The following MDGA2 variants were observed in gnomAD, a reference collection of about 807,000 sequenced individuals.
The protein encoded by MDGA2 is MAM domain-containing glycosylphosphatidylinositol anchor protein 2.
Under a neutral mutation model 117.8 loss-of-function variants are expected in MDGA2, and 40 were observed. The observed-to-expected ratio is 0.34, with a 90% CI of 0.26 to 0.44. The LOEUF is 0.44. Among genes scored for constraint, MDGA2 ranks in the 20% least tolerant of loss-of-function variants. MDGA2 has a pLI of 1.00. For synonymous variants in MDGA2, 452 were observed against 439.0 expected, an observed-to-expected ratio of 1.03 and a Z score of -0.37; for missense variants, 1,123 against 1,250.6, an observed-to-expected ratio of 0.90 and a Z score of 1.54.
intron 1 of MDGA2, among the ~76,000 whole-genome samples, chr14:47,399,268 C>A (rs1309694963): frequency 3.3e-5 from 5 of 152,074 alleles, no homozygotes; most frequent in East Asian, 1.9e-4. Flanking sequence ...GGAGGAGGAA[C>A]AGGACGAGGA....
chr14:47,086,588 A>G (rs1890909781), intron 6 of MDGA2, among the ~76,000 whole-genome samples: 1 of 144,790 alleles, frequency 6.9e-6, no homozygotes, highest in Non-Finnish European at 1.5e-5. Flanking sequence ...AGGTTCTATT[A>G]TTAAAGATAG....
At chr14:47,581,972 A>T (rs898300954) in intron 1 of MDGA2, among the ~76,000 whole-genome samples, 2 of 151,884 alleles carry the variant, frequency 1.3e-5, no homozygotes, top group African/African-American at 4.8e-5. Context: ...AATAAAATGG[A>T]CCTTCAGTAA....
intron 5 of MDGA2, among the ~76,000 whole-genome samples, chr14:47,115,571 G>A (rs1279535368): frequency 6.6e-6 from 1 of 151,736 alleles, no homozygotes; most frequent in African/African-American, 2.4e-5. Context: ...AAAAAGAGGG[G>A]AAAAGGAGAA....
intron 1 of MDGA2, among the ~76,000 whole-genome samples, chr14:47,460,265 A>G (rs1893454584): frequency 1.3e-5 from 2 of 152,148 alleles, no homozygotes; most frequent in Admixed American, 1.3e-4. Context: ...AGTCATAAGT[A>G]AATACTTTTC....
chr14:47,056,945 T>C (rs1265639475), intron 7 of MDGA2, among the ~76,000 whole-genome samples: 2 of 152,110 alleles, frequency 1.3e-5, no homozygotes, highest in African/African-American at 2.4e-5. Flanking sequence ...TTATAGCATA[T>C]AGTATATTTA....
At chr14:47,531,356 T>A (rs1351372853) in intron 1 of MDGA2, among the ~76,000 whole-genome samples, 1 of 152,186 alleles carries the variant, frequency 6.6e-6, no homozygotes, top group Non-Finnish European at 1.5e-5. Context: ...ATGATCACTC[T>A]CAAAATGAGG....
intron 5 of MDGA2, among the ~76,000 whole-genome samples, chr14:47,119,342 G>A (rs1881530117): frequency 6.6e-6 from 1 of 152,116 alleles, no homozygotes; most frequent in Non-Finnish European, 1.5e-5. Context: ...TAGGATTACA[G>A]GCGTGAGCCA....
chr14:47,324,149 G>A (rs1890070737), intron 1 of MDGA2, among the ~76,000 whole-genome samples: 1 of 152,108 alleles, frequency 6.6e-6, no homozygotes, highest in South Asian at 2.1e-4. Context: ...GGAGGCTGAG[G>A]CAAGAGAATG....
chr14:47,362,890 T>G (rs888542347), intron 1 of MDGA2, among the ~76,000 whole-genome samples: 2 of 152,192 alleles, frequency 1.3e-5, no homozygotes, highest in African/African-American at 4.8e-5. Flanking sequence ...AAAATCTCAT[T>G]CCGTAGGAGC....
At chr14:47,434,407 T>C (rs1223154630) in intron 1 of MDGA2, among the ~76,000 whole-genome samples, 3 of 152,128 alleles carry the variant, frequency 2.0e-5, no homozygotes, top group Admixed American at 6.6e-5. Context: ...GGATAATTTG[T>C]AGCATTGTGA....
intron 1 of MDGA2, among the ~76,000 whole-genome samples, chr14:47,420,352 T>C (rs995282623): frequency 1.3e-5 from 2 of 152,170 alleles, no homozygotes; most frequent in African/African-American, 4.8e-5. Flanking sequence ...ATATCTAATA[T>C]CTTTCCTGGT....
intron 3 of MDGA2, among the ~76,000 whole-genome samples, chr14:47,151,657 T>C (rs1285611265): frequency 6.6e-6 from 1 of 151,938 alleles, no homozygotes; most frequent in East Asian, 1.9e-4. Flanking sequence ...TATCTAGATA[T>C]TAAATAATTA....
chr14:47,284,167 C>T (rs755995914), intron 2 of MDGA2, among the ~76,000 whole-genome samples: 2 of 152,066 alleles, frequency 1.3e-5, no homozygotes, highest in Non-Finnish European at 2.9e-5. Flanking sequence ...AAGAAGCACC[C>T]ATCCCAAATA....
At chr14:47,144,396 T>A in intron 3 of MDGA2, 122 bp from the exon 4 acceptor site, 1 of 613,016 alleles carries the variant, frequency 1.6e-6, no homozygotes, top group Non-Finnish European at 2.7e-6. Context: ...TACCACTAGG[T>A]ACTCTTTTTT....
Position 47,034,752 on chromosome 14 carries a change from AC to A in MDGA2, c.1819+258del, listed in dbSNP as rs1370822555. On this transcript the variant is annotated intron_variant, in intron 8 of 16. Coordinates refer to ENST00000399232, the MANE Select transcript of MDGA2 (RefSeq NM_001113498.3). ...CATACACACACACACACACACACAC[AC>A]ACACACACACACACACTAAAACAAC... Among the ~76,000 whole-genome samples, 5 of 152,024 alleles carry A rather than the reference AC, an allele frequency of 3.3e-5. No homozygotes were observed. The East Asian group carries it at 9.7e-4, about 29-fold the overall frequency.
At chr14:47,089,523 G>C (rs192553306) in intron 6 of MDGA2, among the ~76,000 whole-genome samples, 3 of 151,970 alleles carry the variant, frequency 2.0e-5, no homozygotes, top group Admixed American at 6.6e-5. Flanking sequence ...TTATAGGTGC[G>C]AGCTGCCACA....
At position 47,105,925 on chromosome 14, in the gene MDGA2, A is replaced by G. The variant is rs543600595; in HGVS notation, c.926-8802T>C. ...TCCTCCACCCTATAATCTTTTTATCACCTCCCCTCCTCACACCTGGTCCGG... is the reference window on the plus strand; with the variant it reads ...TCCTCCACCCTATAATCTTTTTATCGCCTCCCCTCCTCACACCTGGTCCGG... On this transcript the variant is annotated intron_variant, in intron 5 of 16. Coordinates refer to ENST00000399232, the MANE Select transcript of MDGA2 (RefSeq NM_001113498.3). Among the ~76,000 whole-genome samples the G allele has an allele frequency of 3.9e-4, 58 of 148,214 alleles. 1 individual carries two copies. Among genetic ancestry groups the G allele is most frequent in the South Asian group, 2.4e-3 (11 of 4,606 alleles).
chr14:47,415,783 G>A (rs1892463623), intron 1 of MDGA2, among the ~76,000 whole-genome samples: 1 of 152,092 alleles, frequency 6.6e-6, no homozygotes, highest in African/African-American at 2.4e-5. Flanking sequence ...TTTCTAGTGA[G>A]GGCCTCCTCC....
At chr14:47,051,472 C>T (rs1230602848) in intron 7 of MDGA2, among the ~76,000 whole-genome samples, 1 of 151,806 alleles carries the variant, frequency 6.6e-6, no homozygotes, top group Non-Finnish European at 1.5e-5. Context: ...TTCCAAACCT[C>T]ACTGATATCT....
Sources: gnomAD v4.1 joint callset for allele counts (sites outside exome capture counted in the v4.1 genomes callset) on GRCh38, gnomAD v4.1.1 for gene constraint, MANE v1.5 for transcripts, NCBI Gene and HGNC (gene_info 2026-07-23, HGNC 2026-07-21) for gene names.